The following ROBO2 variants were observed in gnomAD, a reference collection of about 807,000 sequenced individuals.
ROBO2 encodes roundabout guidance receptor 2.
Under a neutral mutation model 160.8 loss-of-function variants are expected in ROBO2, and 53 were observed. The ratio of observed to expected loss-of-function variants is 0.33; its 90% CI spans 0.26 to 0.41. The LOEUF is 0.41. ROBO2 is among the 10% of genes least tolerant of loss of function. The probability of loss-of-function intolerance (pLI) is 1.00; values close to 1 mark genes in which losing one functional copy is unlikely to be tolerated. For missense variants in ROBO2, 1,577 were observed against 1,722.4 expected (o/e 0.92, Z 1.49); for synonymous variants, 664 against 611.7 (o/e 1.09, Z -1.26).
chr3:75,940,181 G>A lies in ROBO2; in HGVS notation c.109+2579G>A, dbSNP rs1490998690. Among the ~76,000 whole-genome samples, 5 of 152,084 alleles carry A rather than the reference G, an allele frequency of 3.3e-5. No homozygotes were observed. In the East Asian group the frequency reaches 7.7e-4, roughly 24 times the overall value. ...CCCAATGTTCCTTCCTAGAGAAACC[G>A]TGTGAGAAATTGTAGCTAAGTTAAA... On this transcript the variant is annotated intron_variant, in intron 2 of 26. Coordinates refer to the ROBO2 transcript ENST00000487694.
At chr3:76,284,259 A>G (rs540700258) in intron 2 of ROBO2, among the ~76,000 whole-genome samples, 17 of 152,048 alleles carry the variant, frequency 1.1e-4, no homozygotes, top group Non-Finnish European at 2.1e-4. Context: ...TGCTATTCCT[A>G]CTTCTGGGGT....
chr3:76,784,586 T>C (rs140538744), intron 2 of ROBO2, among the ~76,000 whole-genome samples: 1 of 151,270 alleles, frequency 6.6e-6, no homozygotes, highest in African/African-American at 2.4e-5. Flanking sequence ...ATATATTGAG[T>C]ACCATGCATG....
chr3:77,066,957 A>G (rs1205055044), intron 1 of ROBO2, among the ~76,000 whole-genome samples: 1 of 151,606 alleles, frequency 6.6e-6, no homozygotes, highest in Non-Finnish European at 1.5e-5. Context: ...TTTTAAGAAA[A>G]GATTCTTTTC....
chr3:76,365,594 C>T (rs1445259386), intron 2 of ROBO2, among the ~76,000 whole-genome samples: 2 of 151,864 alleles, frequency 1.3e-5, no homozygotes, highest in African/African-American at 4.8e-5. Context: ...GGAAGATCAC[C>T]CAAGAACTTT....
At chr3:77,175,594 C>T (rs1313701455) in intron 2 of ROBO2, among the ~76,000 whole-genome samples, 4 of 151,858 alleles carry the variant, frequency 2.6e-5, no homozygotes, top group Admixed American at 6.6e-5. Flanking sequence ...CTATTGCAAC[C>T]GTGTGGGTGA....
intron 2 of ROBO2, among the ~76,000 whole-genome samples, chr3:75,957,296 T>G (rs1012587930): frequency 2.6e-5 from 4 of 151,160 alleles, no homozygotes; most frequent in African/African-American, 9.7e-5. Context: ...ATTTGGTTTC[T>G]TTGTTCCTAT....
At chr3:76,455,052 T>C (rs1391293085) in intron 2 of ROBO2, among the ~76,000 whole-genome samples, 1 of 152,166 alleles carries the variant, frequency 6.6e-6, no homozygotes, top group Non-Finnish European at 1.5e-5. Context: ...ATGTTTTCTT[T>C]ACTAAATGAC....
At chr3:75,908,775 A>G (rs1224662020) in intron 1 of ROBO2, among the ~76,000 whole-genome samples, 3 of 152,216 alleles carry the variant, frequency 2.0e-5, no homozygotes, top group African/African-American at 4.8e-5. Flanking sequence ...TAACTTCCAA[A>G]TAACTCCTAA....
chr3:77,045,985 T>C (rs1366985843), intron 1 of ROBO2, among the ~76,000 whole-genome samples: 1 of 152,252 alleles, frequency 6.6e-6, no homozygotes, highest in African/African-American at 2.4e-5. Context: ...ATATTCCTTA[T>C]CATCTATCCT....
At chr3:77,208,802 G>A (rs1025430356) in intron 2 of ROBO2, among the ~76,000 whole-genome samples, 5 of 152,134 alleles carry the variant, frequency 3.3e-5, no homozygotes, top group African/African-American at 1.2e-4. Context: ...GGTCATAGTA[G>A]GTAATGAGAA....
rs563922589 is a variant in ROBO2, at chr3:76,875,267, A to C, written c.110-222747A>C. Among the ~76,000 whole-genome samples, 26 of 152,258 alleles carry C rather than the reference A, an allele frequency of 1.7e-4. No homozygotes were observed. The East Asian group carries it at 4.8e-3, about 28-fold the overall frequency. ...CAAACGTGCCAGTGCCTTGATCTTG[A>C]GCTTCCCAGCCCCCAGAACTGTGAG... On this transcript the variant is annotated intron_variant, in intron 2 of 26. Coordinates refer to the ROBO2 transcript ENST00000487694.
intron 2 of ROBO2, among the ~76,000 whole-genome samples, chr3:76,170,116 C>G (rs1388951580): frequency 6.6e-6 from 1 of 152,050 alleles, no homozygotes; most frequent in Non-Finnish European, 1.5e-5. Context: ...TTACTCATTC[C>G]CACATATTCC....
intron 2 of ROBO2, among the ~76,000 whole-genome samples, chr3:76,370,419 G>A (rs1424277807): frequency 1.3e-5 from 2 of 151,858 alleles, no homozygotes; most frequent in Admixed American, 6.6e-5. Context: ...GCTTCACAGA[G>A]GGAAATTTGA....
chr3:76,729,848 G>A (rs2093607586), intron 2 of ROBO2, among the ~76,000 whole-genome samples: 1 of 152,010 alleles, frequency 6.6e-6, no homozygotes, highest in Non-Finnish European at 1.5e-5. Context: ...ATCTTGGCCA[G>A]GCTGGTCTCG....
chr3:76,756,606 T>C (rs2060984987), intron 2 of ROBO2, among the ~76,000 whole-genome samples: 1 of 151,938 alleles, frequency 6.6e-6, no homozygotes, highest in African/African-American at 2.4e-5. Flanking sequence ...TTGCACATGG[T>C]TTCCATAAAC....
intron 5 of ROBO2, among the ~76,000 whole-genome samples, chr3:77,494,468 C>A (rs982131440): frequency 1.3e-5 from 2 of 152,070 alleles, no homozygotes; most frequent in African/African-American, 2.4e-5. Flanking sequence ...ATCCCAGCTA[C>A]TCGGGAGGCT....
chr3:76,129,726 T>C, intron 2 of ROBO2, among the ~76,000 whole-genome samples: 1 of 152,032 alleles, frequency 6.6e-6, no homozygotes. Flanking sequence ...GATGTGCCTC[T>C]AGAGTCAGTA....
chr3:77,629,885 A>G (rs2095121036), intron 23 of ROBO2: 2 of 152,218 alleles, frequency 1.3e-5, no homozygotes, highest in Non-Finnish European at 2.9e-5. Flanking sequence ...TGGACAATAA[A>G]TATGAAAATA....
At chr3:76,579,586 A>AT (rs531187970) in intron 2 of ROBO2, among the ~76,000 whole-genome samples, 186 of 152,134 alleles carry the variant, frequency 1.2e-3, no homozygotes, top group Non-Finnish European at 2.0e-3. Context: ...AAAGAGTGAG[A>AT]TTTTATCTTA....
Sources: allele counts gnomAD v4.1 joint callset (sites outside exome capture counted in the v4.1 genomes callset), GRCh38; gene constraint gnomAD v4.1.1; transcripts MANE v1.5; gene names NCBI Gene and HGNC (gene_info 2026-07-23, HGNC 2026-07-21).